Variants in MYBBP1A observed in about 807,000 individuals in gnomAD.
The protein encoded by MYBBP1A is MYB binding protein 1a.
In MYBBP1A, 147 loss-of-function variants were observed where a neutral mutation model predicts 136.3. The ratio of observed to expected loss-of-function variants is 1.08; its 90% CI spans 0.94 to 1.24. MYBBP1A has a LOEUF of 1.24. Among genes scored for constraint, MYBBP1A ranks in the 50% most tolerant of loss-of-function variants. The pLI is 0.00. For missense variants in MYBBP1A, 2,060 were observed against 1,727.4 expected, an observed-to-expected ratio of 1.19 and a Z score of -3.41; for synonymous variants, 947 against 735.8, an observed-to-expected ratio of 1.29 and a Z score of -4.65.
chr17:4,545,094 GCTCCTCCTCCTCGCT>G lies in MYBBP1A; in HGVS notation c.2227_2241del (p.Ser743_Glu747del), dbSNP rs1597382208. ...AAGCCCTGATCCACGTCCCCGTCGC[GCTCCTCCTCCTCGCT>G]CTCCTCCCCCTCGCTCTCCTCTTCA... On this transcript the variant is annotated inframe_deletion, in exon 17 of 26. Transcript: ENST00000254718. 6.9e-6 allele frequency: 11 copies of G among 1,594,580 alleles called. No homozygotes were observed. The East Asian group carries it at 1.1e-4, about 17-fold the overall frequency.
At chr17:4,547,863 T>A in intron 13 of MYBBP1A, 95 bp downstream of exon 13, 1 of 1,128,820 alleles carries the variant, frequency 8.9e-7, no homozygotes. Flanking sequence ...GAACCTTTCC[T>A]GGAAACCCGC....
Position 4,541,877 on chromosome 17 carries a change from G to A in MYBBP1A, c.3102C>T (p.Leu1034=), listed in dbSNP as rs139744232. 288 of 1,613,694 alleles carry A rather than the reference G, an allele frequency of 1.8e-4. 1 individual carries two copies. The Middle Eastern group carries it at 3.0e-3, about 17-fold the overall frequency. ...CCTCCCGCATGGACAGGGTCTTCTG[G>A]AGCAGCAGGCAGGCCTGTGGGTGGG... is the stretch of plus-strand genomic sequence containing the variant. ...VRPRHQACLL[L]QKTLSMREVR... The change falls in exon 23 of 26, where the codon CTC becomes CTT. Residue 1034 remains leucine (L), a synonymous_variant. Transcript: ENST00000254718.
At chr17:4,540,327 T>C (rs79353842) in intron 25 of MYBBP1A, 21 bp downstream of exon 25, 3 of 1,586,048 alleles carry the variant, frequency 1.9e-6, no homozygotes, top group South Asian at 1.1e-5. Flanking sequence ...CCAAGGTGTG[T>C]GTCCCCCTCC....
At chr17:4,544,173 C>T (rs1209962345) in intron 19 of MYBBP1A, among the ~76,000 whole-genome samples, 3 of 151,244 alleles carry the variant, frequency 2.0e-5, no homozygotes, top group Non-Finnish European at 2.9e-5. Context: ...CCACTTGAGA[C>T]TGTCAAGGGC....
At position 4,552,458 on chromosome 17, in the gene MYBBP1A, C is replaced by CA. The variant is rs765606903; in HGVS notation, c.729dup (p.Val244CysfsTer98). ...CGCCCACCTCCATCACACCTGGGGACATTCTCATCTGAGAATAGGTTCACG... is the reference window on the plus strand; with the variant it reads ...CGCCCACCTCCATCACACCTGGGGACAATTCTCATCTGAGAATAGGTTCACG... On this transcript the variant is annotated frameshift_variant, in exon 6 of 26. Transcript: ENST00000254718. LOFTEE classifies it high-confidence loss of function. This position sits in a 1 kb window ranked among gnomAD's most constrained non-coding sequence, Gnocchi z 4.7. 1.2e-6 allele frequency: 2 copies of CA among 1,612,968 alleles called. No individual in the cohort carries two copies. The highest frequency in any genetic ancestry group is 1.7e-6 in the Non-Finnish European group (2 of 1,179,984).
Position 4,540,115 on chromosome 17 carries a change from AGGGTCCTGCGAGGCCCCT to A in MYBBP1A, c.3435-166_3435-149del, listed in dbSNP as rs1184564668. 2.8e-5 allele frequency: 33 copies of A among 1,188,960 alleles called. No homozygotes were observed. The Admixed American group carries it at 6.7e-4, about 24-fold the overall frequency. 73.7% of individuals were successfully genotyped at this position (1,188,960 alleles called of 1,614,324 possible). On this transcript the variant is annotated intron_variant, in intron 25 of 25. Coordinates refer to ENST00000254718, the MANE Select transcript of MYBBP1A (RefSeq NM_014520.4). ...ATGAGGGTCCCGTGAGGGTCCTATG[AGGGTCCTGCGAGGCCCCT>A]GGGTCCTGCGAGGGTCCTGCGAGGC... is the stretch of plus-strand genomic sequence containing the variant.
At chr17:4,546,697 G>C (rs886978690) in intron 13 of MYBBP1A, among the ~76,000 whole-genome samples, 1 of 152,226 alleles carries the variant, frequency 6.6e-6, no homozygotes, top group African/African-American at 2.4e-5. Flanking sequence ...CCCCAGACTC[G>C]AGTGAGGTGG....
intron 13 of MYBBP1A, among the ~76,000 whole-genome samples, chr17:4,546,912 CTTT>C (rs750174532): frequency 1.5e-5 from 2 of 136,764 alleles, no homozygotes; most frequent in East Asian, 2.1e-4. Context: ...TGGGCTGCAC[CTTT>C]TTTTTTTTTT....
At chr17:4,554,583 A>G (rs1177687663) in intron 2 of MYBBP1A, among the ~76,000 whole-genome samples, 1 of 152,174 alleles carries the variant, frequency 6.6e-6, no homozygotes, top group African/African-American at 2.4e-5. Flanking sequence ...ATGCCTCTGC[A>G]GGCCTAAGGG....
Position 4,543,044 on chromosome 17 carries a change from G to T in MYBBP1A, c.2761C>A (p.Leu921Ile), listed in dbSNP as rs780831039. ...AGRQPDSPTALYHFNASLYLL... is the reference protein window; with the variant it reads ...AGRQPDSPTAIYHFNASLYLL... ...TAGAGAGAGGCGTTGAAGTGGTAGA[G>T]GGCGGTGGGGGAGTCGGGCTGGCGG... The change falls in exon 20 of 26, where the codon CTC becomes ATC. Residue 921 changes from leucine (L) to isoleucine (I), a missense_variant. By Grantham distance (5) the Leu-to-Ile change is conservative. Coordinates refer to ENST00000254718, the MANE Select transcript of MYBBP1A (RefSeq NM_014520.4). The T allele has an allele frequency of 6.2e-7, 1 of 1,613,500 alleles. No homozygotes were observed. Among genetic ancestry groups the T allele is most frequent in the African/African-American group, 1.3e-5 (1 of 74,930 alleles).
At position 4,545,741 on chromosome 17, in the gene MYBBP1A, C is replaced by T. The variant is rs1266063269; in HGVS notation, c.1942G>A (p.Val648Ile). 2.5e-6 allele frequency: 4 copies of T among 1,607,520 alleles called. No individual in the cohort carries two copies. The highest frequency in any genetic ancestry group is 3.4e-6 in the Non-Finnish European group (4 of 1,176,204). The part of the protein sequence containing the change: ...KTIDPQEPPW[V>I]EVLVEILLAL... ...AGCAAGATCTCCACCAGCACCTCTA[C>T]CCACGGGGGTTCCTGGGGGTCTGCA... Residue 648 changes from valine to isoleucine, a missense_variant, in exon 15 of 26, where the codon GTA becomes ATA. Coordinates refer to ENST00000254718, the MANE Select transcript of MYBBP1A (RefSeq NM_014520.4).
At chr17:4,541,585 T>G in intron 23 of MYBBP1A, 21 bp from the exon 24 acceptor site, 4 of 1,607,278 alleles carry the variant, frequency 2.5e-6, no homozygotes, top group Non-Finnish European at 3.4e-6. Context: ...GTGGCCAGGC[T>G]GAGGCACTCC....
Position 4,538,970 on chromosome 17 carries a change from CAG to C in MYBBP1A, c.*443_*444del, listed in dbSNP as rs763443122. The C allele has an allele frequency of 1.1e-5, 9 of 790,596 alleles. No individual in the cohort carries two copies. The highest frequency in any genetic ancestry group is 4.8e-5 in the East Asian group (2 of 41,316). The allele number at this position is 790,596 out of a possible 1,614,324, so 49.0% of individuals were successfully genotyped here. A position where few individuals can be genotyped will look rare whatever the true frequency, so the allele number is the denominator to read the frequency against. On this transcript the variant is annotated 3_prime_UTR_variant, in exon 26 of 26. Transcript: ENST00000254718. ...TTTTAGAGCTGCTGATTGTGAATCT[CAG>C]AGTCTTAAGAGAGAAGCCAAATATA... is the stretch of plus-strand genomic sequence containing the variant.
chr17:4,541,198 G>A (rs574296960), intron 24 of MYBBP1A, among the ~76,000 whole-genome samples: 7 of 152,364 alleles, frequency 4.6e-5, no homozygotes, highest in Non-Finnish European at 7.3e-5. Flanking sequence ...GCTTTCTCAC[G>A]GGATGTGGCA....
Position 4,552,208 on chromosome 17 carries a change from C to T in MYBBP1A, c.822G>A (p.Leu274=). 1.2e-6 allele frequency: 2 copies of T among 1,614,220 alleles called. No individual in the cohort carries two copies. The highest frequency in any genetic ancestry group is 2.2e-5 in the East Asian group (1 of 44,880). Residue 274 remains leucine (L), a synonymous_variant, in exon 7 of 26, where the codon CTG becomes CTA. Coordinates refer to ENST00000254718, the MANE Select transcript of MYBBP1A (RefSeq NM_014520.4). This position sits in a 1 kb window ranked among gnomAD's most constrained non-coding sequence, Gnocchi z 4.7. ...LPAIALDLLR[L]ALKEDKFPRF... ...GTGGGAACTTGTCTTCCTTGAGTGC[C>T]AGGCGGAGCAGGTCCAGAGCAATGG...
intron 19 of MYBBP1A, among the ~76,000 whole-genome samples, chr17:4,543,936 C>T (rs1364808350): frequency 1.3e-5 from 2 of 152,166 alleles, no homozygotes; most frequent in Admixed American, 6.5e-5. Flanking sequence ...CCTCCAGCAC[C>T]GCTAGGGTCA....
At chr17:4,547,455 T>C (rs1907106002) in intron 13 of MYBBP1A, among the ~76,000 whole-genome samples, 1 of 152,200 alleles carries the variant, frequency 6.6e-6, no homozygotes, top group Admixed American at 6.5e-5. Flanking sequence ...CACAGTCAAG[T>C]GGCCAGACGG....
intron 17 of MYBBP1A, 40 bp downstream of exon 17, chr17:4,544,986 G>GGC: frequency 6.8e-7 from 1 of 1,464,168 alleles, no homozygotes; most frequent in Non-Finnish European, 9.1e-7. Flanking sequence ...GGACACCCGA[G>GGC]CCCTCCCCGG....
chr17:4,539,850 G>A lies in MYBBP1A; in HGVS notation c.3552C>T (p.Arg1184=), dbSNP rs753270067. The A allele has an allele frequency of 1.2e-6, 2 of 1,608,088 alleles. No individual in the cohort carries two copies. Among genetic ancestry groups the A allele is most frequent in the East Asian group, 4.5e-5 (2 of 44,868 alleles). ...CCGCTGGCGTGCCATCCTCTGACTT[G>A]CGTTTCTTGCGCTTCTTCGTCTCTG... ...FLPETKKRKK[R]KSEDGTPAED... is the part of the protein sequence containing the mutation. Residue 1184 remains arginine (R), a synonymous_variant, in exon 26 of 26, where the codon CGC becomes CGT. Transcript: ENST00000254718.
Sources: allele counts gnomAD v4.1 joint callset (sites outside exome capture counted in the v4.1 genomes callset), GRCh38; gene constraint gnomAD v4.1.1; non-coding constraint Gnocchi (gnomAD v3.1); transcripts MANE v1.5; gene names NCBI Gene and HGNC (gene_info 2026-07-23, HGNC 2026-07-21).